Variants in OCA2 observed in about 807,000 individuals in gnomAD.
OCA2 encodes the protein OCA2 melanosomal transmembrane protein.
OCA2 carries 77 observed loss-of-function variants against 100.2 expected under a neutral mutation model. The observed-to-expected ratio is 0.77, with a 90% confidence interval of 0.64 to 0.93. The LOEUF (loss-of-function observed/expected upper bound fraction) is 0.93. Among genes scored for constraint, OCA2 ranks in the 40% least tolerant of loss-of-function variants. OCA2 has a pLI of 0.00. For missense variants in OCA2, 1,062 were observed against 1,089.1 expected (o/e 0.98, Z 0.35); for synonymous variants, 432 against 439.2 (o/e 0.98, Z 0.21).
chr15:27,943,861 C>A (rs1480741251), intron 18 of OCA2, among the ~76,000 whole-genome samples: 1 of 152,078 alleles, frequency 6.6e-6, no homozygotes, highest in Admixed American at 6.5e-5. Context: ...CCTTGCCGGA[C>A]TGAACCAATA....
At position 27,894,051 on chromosome 15, in the gene OCA2, C is replaced by T. The variant is rs192710237; in HGVS notation, c.2080-22129G>A. Reference sequence around the variant, plus strand: ...TGGTCTGAGACTCAGGCAGGCATCACAGTCCTACCAATATGTGATGTCACC... The same window carrying T: ...TGGTCTGAGACTCAGGCAGGCATCATAGTCCTACCAATATGTGATGTCACC... On this transcript the variant is annotated intron_variant, in intron 19 of 23. Transcript: ENST00000354638. 4.6e-5 allele frequency among the ~76,000 whole-genome samples: 7 copies of T among 152,342 alleles called. No homozygotes were observed. In the East Asian group the frequency reaches 1.2e-3, roughly 25 times the overall value.
At chr15:27,837,767 CAGGCGTG>C (rs1251196059) in intron 23 of OCA2, among the ~76,000 whole-genome samples, 2 of 150,524 alleles carry the variant, frequency 1.3e-5, no homozygotes, top group African/African-American at 4.9e-5. Flanking sequence ...AACAGGCAGG[CAGGCGTG>C]CCCATCAAAG....
chr15:27,881,916 T>C (rs1474925817), intron 19 of OCA2, among the ~76,000 whole-genome samples: 2 of 152,202 alleles, frequency 1.3e-5, no homozygotes, highest in Non-Finnish European at 2.9e-5. Flanking sequence ...CTGCTAGCTT[T>C]AGGGTTTGTT....
intron 19 of OCA2, among the ~76,000 whole-genome samples, chr15:27,907,606 A>G (rs1315291381): frequency 6.6e-6 from 1 of 152,238 alleles, no homozygotes; most frequent in East Asian, 1.9e-4. Flanking sequence ...GACAAACCAC[A>G]ATCTAACTTG....
rs1566803680 is a variant in OCA2 at position 28,018,508 on chromosome 15, C to CA, written c.695dup (p.Ala233GlyfsTer26). 1 of 1,613,814 alleles carries CA rather than the reference C, an allele frequency of 6.2e-7. No homozygotes were observed. Among genetic ancestry groups the CA allele is most frequent in the East Asian group, 2.2e-5 (1 of 44,874 alleles). On this transcript the variant is annotated frameshift_variant, in exon 7 of 24. Coordinates refer to ENST00000354638, the MANE Select transcript of OCA2 (RefSeq NM_000275.3). LOFTEE classifies it high-confidence loss of function. ...GCCCACTGGCCACTAGGGCCCCTGC[C>CA]AGGTCCACCTGCAGCAGCGTGGAGT...
intron 2 of OCA2, among the ~76,000 whole-genome samples, chr15:28,039,888 C>T (rs1218377407): frequency 6.6e-6 from 1 of 151,970 alleles, no homozygotes; most frequent in Non-Finnish European, 1.5e-5. Flanking sequence ...AAAAAATAGC[C>T]GGGTGTGGTC....
the OCA2 span, among the ~76,000 whole-genome samples, chr15:27,731,581 T>C: frequency 6.6e-6 from 1 of 152,226 alleles, no homozygotes; most frequent in Admixed American, 6.5e-5. Flanking sequence ...GAACTACATC[T>C]TTCTTTGATT....
At chr15:27,842,979 C>A (rs2035397000) in intron 23 of OCA2, among the ~76,000 whole-genome samples, 1 of 152,336 alleles carries the variant, frequency 6.6e-6, no homozygotes, top group Middle Eastern at 3.4e-3. Flanking sequence ...TTCAGTTGGG[C>A]AGATGCCCTG....
intron 18 of OCA2, among the ~76,000 whole-genome samples, chr15:27,947,406 G>A (rs181794749): frequency 6.9e-4 from 105 of 152,298 alleles, no homozygotes; most frequent in African/African-American, 2.5e-3. Context: ...GGATGGGTGT[G>A]AACTGTGACC....
rs991529631 is a variant in OCA2 at position 27,935,944 on chromosome 15, C to T, written c.1952-9690G>A. ...GTACCTTGAGGCACACAGGATGCATCTCCAGAGAGTATCTCAACAGTTACT... is the reference window on the plus strand; with the variant it reads ...GTACCTTGAGGCACACAGGATGCATTTCCAGAGAGTATCTCAACAGTTACT... On this transcript the variant is annotated intron_variant, in intron 18 of 23. Transcript: ENST00000354638. Among the ~76,000 whole-genome samples the T allele has an allele frequency of 1.4e-4, 22 of 152,298 alleles. 1 individual carries two copies. Among genetic ancestry groups the T allele is most frequent in the African/African-American group, 4.6e-4 (19 of 41,570 alleles).
intron 19 of OCA2, among the ~76,000 whole-genome samples, chr15:27,902,725 G>A (rs945394367): frequency 2.6e-5 from 4 of 152,164 alleles, no homozygotes; most frequent in Admixed American, 2.6e-4. Flanking sequence ...GAAAGGCTTT[G>A]GGAACTCTTC....
intron 23 of OCA2, among the ~76,000 whole-genome samples, chr15:27,767,691 T>G (rs1473296365): frequency 7.4e-6 from 1 of 135,726 alleles, no homozygotes; most frequent in Non-Finnish European, 1.7e-5. Context: ...CTCTGTAAAA[T>G]GGACCAATCA....
chr15:28,011,295 A>AC (rs2042232152), intron 9 of OCA2, among the ~76,000 whole-genome samples: 1 of 152,076 alleles, frequency 6.6e-6, no homozygotes, highest in East Asian at 1.9e-4. Flanking sequence ...CAAGACCCTG[A>AC]TTCTACAAAA....
the OCA2 span, among the ~76,000 whole-genome samples, chr15:27,728,365 C>T: frequency 2.6e-4 from 39 of 152,204 alleles, no homozygotes; most frequent in African/African-American, 8.2e-4. Context: ...CTCTGTAGCT[C>T]TCAGCTCTAC....
chr15:27,742,640 G>A, the OCA2 span, among the ~76,000 whole-genome samples: 6 of 152,224 alleles, frequency 3.9e-5, no homozygotes, highest in African/African-American at 1.4e-4. Flanking sequence ...CACGAGGAAA[G>A]GATGAGCTGA....
chr15:27,862,474 G>GAT (rs1336408130), intron 21 of OCA2, among the ~76,000 whole-genome samples: 1 of 128,152 alleles, frequency 7.8e-6, no homozygotes, highest in Non-Finnish European at 1.6e-5. Flanking sequence ...GACCTCCTCA[G>GAT]ACATTTTTTT....
At position 28,081,859 on chromosome 15, in the gene OCA2, T is replaced by C; in HGVS notation, c.16A>G (p.Arg6Gly). ...GCGCCGGGGTACCGCCTGCCGTCTC[T>C]GCCCTCCAGATGCATGCTCCACTGC... MHLEG[R>G]DGRRYPGAPA... is the part of the protein sequence containing the mutation. Residue 6 changes from arginine (R) to glycine (G), a missense_variant, in exon 2 of 24, where the codon AGA becomes GGA. By Grantham distance (125) the Arg-to-Gly change is moderately radical. Transcript: ENST00000354638. 1 of 1,611,074 alleles carries C rather than the reference T, an allele frequency of 6.2e-7. No individual in the cohort carries two copies. Among genetic ancestry groups the C allele is most frequent in the Non-Finnish European group, 8.5e-7 (1 of 1,179,636 alleles).
At chr15:27,924,623 T>C (rs887545225) in intron 19 of OCA2, among the ~76,000 whole-genome samples, 1 of 152,110 alleles carries the variant, frequency 6.6e-6, no homozygotes. Context: ...TAAACTAAGA[T>C]GTACAGTTTA....
At chr15:28,078,177 T>C (rs889505737) in intron 2 of OCA2, among the ~76,000 whole-genome samples, 1 of 152,252 alleles carries the variant, frequency 6.6e-6, no homozygotes, top group East Asian at 1.9e-4. Flanking sequence ...TTCTGATCAG[T>C]TGCAAACAGT....
Sources: gnomAD v4.1 joint callset for allele counts (sites outside exome capture counted in the v4.1 genomes callset) on GRCh38, gnomAD v4.1.1 for gene constraint, MANE v1.5 for transcripts, NCBI Gene and HGNC (gene_info 2026-07-23, HGNC 2026-07-21) for gene names.